Variants in RNF111 observed in about 807,000 individuals in gnomAD.
RNF111 encodes E3 ubiquitin-protein ligase Arkadia.
RNF111 carries 17 observed loss-of-function variants against 95.1 expected under a neutral mutation model. The ratio of observed to expected loss-of-function variants is 0.18; its 90% CI spans 0.12 to 0.27. The LOEUF is 0.27. Ranked by LOEUF, RNF111 falls within the 10% of genes least tolerant of loss-of-function variation. The pLI is 1.00. For missense variants in RNF111, 1,189 were observed against 1,210.4 expected (o/e 0.98, Z 0.26); for synonymous variants, 440 against 414.8 (o/e 1.06, Z -0.74).
At chr15:58,996,493 A>G (rs2039077492) in intron 1 of RNF111, among the ~76,000 whole-genome samples, 2 of 151,906 alleles carry the variant, frequency 1.3e-5, no homozygotes, top group African/African-American at 4.8e-5. Context: ...GAGCAGGAGA[A>G]TCGCTTGAAC....
chr15:59,025,245 T>C (rs573885078), intron 1 of RNF111, among the ~76,000 whole-genome samples: 3 of 152,348 alleles, frequency 2.0e-5, no homozygotes, highest in East Asian at 1.9e-4. Flanking sequence ...TTCTCCTTTC[T>C]ACTAGGAAAG....
intron 1 of RNF111, among the ~76,000 whole-genome samples, chr15:59,018,179 A>G (rs1176643300): frequency 6.6e-6 from 1 of 152,226 alleles, no homozygotes; most frequent in Non-Finnish European, 1.5e-5. Context: ...GAGCATTAAA[A>G]TTTATTTGTA....
chr15:59,070,634 A>G (rs2042879901), intron 6 of RNF111, among the ~76,000 whole-genome samples: 1 of 152,208 alleles, frequency 6.6e-6, no homozygotes, highest in South Asian at 2.1e-4. Context: ...ACAGAAGGAG[A>G]ACAGACATAT....
At chr15:59,029,284 T>C (rs146453973) in intron 1 of RNF111, among the ~76,000 whole-genome samples, 116 of 152,294 alleles carry the variant, frequency 7.6e-4, no homozygotes, top group African/African-American at 2.7e-3. Flanking sequence ...TTTATCATTG[T>C]GACTTCTGTG....
intron 6 of RNF111, 132 bp from the exon 7 acceptor site, chr15:59,075,822 C>G (rs2043140946): frequency 1.0e-6 from 1 of 958,564 alleles, no homozygotes; most frequent in Non-Finnish European, 1.5e-6. Context: ...GTTCTTCATA[C>G]TAAGAATCTT....
intron 6 of RNF111, 31 bp from the exon 7 acceptor site, chr15:59,075,923 G>C: frequency 6.2e-7 from 1 of 1,603,848 alleles, no homozygotes; most frequent in Non-Finnish European, 8.5e-7. Context: ...CCAAACTTTA[G>C]AAAGATAAAA....
At chr15:58,999,088 TGAAAA>T (rs2039215082) in intron 1 of RNF111, among the ~76,000 whole-genome samples, 1 of 152,206 alleles carries the variant, frequency 6.6e-6, no homozygotes, top group South Asian at 2.1e-4. Context: ...CACACTTACC[TGAAAA>T]GGTTATTAAA....
intron 1 of RNF111, among the ~76,000 whole-genome samples, chr15:58,998,716 A>G (rs951715782): frequency 6.6e-6 from 1 of 152,268 alleles, no homozygotes; most frequent in African/African-American, 2.4e-5. Context: ...AATAAAATTC[A>G]AACTTTCAAG....
At chr15:59,046,152 G>A (rs552617853) in intron 2 of RNF111, among the ~76,000 whole-genome samples, 3 of 149,460 alleles carry the variant, frequency 2.0e-5, no homozygotes, top group African/African-American at 7.4e-5. Context: ...CATTATCTCC[G>A]TTATTTACCA....
At chr15:59,008,759 T>C (rs1346310647) in intron 1 of RNF111, among the ~76,000 whole-genome samples, 2 of 152,152 alleles carry the variant, frequency 1.3e-5, no homozygotes, top group African/African-American at 2.4e-5. Context: ...AAAAATCATA[T>C]TACATTTATC....
rs1413452356 is a variant in RNF111, at chr15:59,096,281, C to G, written c.*1381C>G. ...TTTGTTTAAATATGCTTAATATGCC[C>G]CAGATTGCAAATGCATCCAGTCAGT... On this transcript the variant is annotated 3_prime_UTR_variant, in exon 14 of 14. Coordinates refer to ENST00000348370, the MANE Select transcript of RNF111 (RefSeq NM_017610.8). The G allele has an allele frequency of 7.8e-6, 3 of 383,348 alleles. No homozygotes were observed. The highest frequency in any genetic ancestry group is 2.1e-5 in the African/African-American group (1 of 48,268). The allele number at this position is 383,348 out of a possible 1,614,324, so 23.7% of individuals were successfully genotyped here. A position where few individuals can be genotyped will look rare whatever the true frequency, so the allele number is the denominator to read the frequency against.
chr15:58,988,980 T>C (rs1261427270), intron 1 of RNF111, among the ~76,000 whole-genome samples: 1 of 152,210 alleles, frequency 6.6e-6, no homozygotes, highest in African/African-American at 2.4e-5. Context: ...TTTCTTGTTT[T>C]AGGGGCCTCT....
intron 2 of RNF111, among the ~76,000 whole-genome samples, chr15:59,039,014 G>C (rs1002362007): frequency 9.9e-5 from 15 of 152,114 alleles, no homozygotes; most frequent in African/African-American, 2.9e-4. Context: ...GCCCAGGCTG[G>C]AGTGCAATGA....
intron 6 of RNF111, among the ~76,000 whole-genome samples, chr15:59,068,731 C>A (rs1266830612): frequency 6.6e-6 from 1 of 151,998 alleles, no homozygotes; most frequent in African/African-American, 2.4e-5. Context: ...AAAGTACTTG[C>A]CTCATCTTTT....
At chr15:58,999,997 C>G (rs1032110724) in intron 1 of RNF111, among the ~76,000 whole-genome samples, 2 of 152,034 alleles carry the variant, frequency 1.3e-5, no homozygotes, top group East Asian at 1.9e-4. Flanking sequence ...AGAAATTGCC[C>G]AGATAATCCA....
Position 58,987,985 on chromosome 15 carries a change from C to G in RNF111, c.-103C>G, listed in dbSNP as rs1230888660. 2 of 152,272 alleles carry G rather than the reference C, an allele frequency of 1.3e-5. No individual in the cohort carries two copies. Among genetic ancestry groups the G allele is most frequent in the African/African-American group, 4.8e-5 (2 of 41,396 alleles). 9.4% of individuals were successfully genotyped at this position (152,272 alleles called of 1,614,324 possible). On this transcript the variant is annotated 5_prime_UTR_variant, in exon 1 of 14. Coordinates refer to ENST00000348370, the MANE Select transcript of RNF111 (RefSeq NM_017610.8). ...CAGATCGCTGGCTCTCGACGCATTA[C>G]TCTTTACGCCTTACATTTCTGTCTT...
chr15:58,996,170 T>C (rs2039063876), intron 1 of RNF111, among the ~76,000 whole-genome samples: 1 of 152,162 alleles, frequency 6.6e-6, no homozygotes, highest in Admixed American at 6.5e-5. Flanking sequence ...TTTAGCCACT[T>C]AACTGTTTAT....
chr15:59,039,741 G>A (rs2041355563), intron 2 of RNF111, among the ~76,000 whole-genome samples: 1 of 150,398 alleles, frequency 6.6e-6, no homozygotes, highest in African/African-American at 2.5e-5. Flanking sequence ...TTTTTGAGAC[G>A]GAGTCTTGTT....
At chr15:59,006,264 T>A (rs1331945825) in intron 1 of RNF111, among the ~76,000 whole-genome samples, 2 of 152,228 alleles carry the variant, frequency 1.3e-5, no homozygotes, top group Non-Finnish European at 2.9e-5. Context: ...GTTGGATGAA[T>A]TTTGGCAAAT....
Sources: allele counts gnomAD v4.1 joint callset (sites outside exome capture counted in the v4.1 genomes callset), GRCh38; gene constraint gnomAD v4.1.1; transcripts MANE v1.5; gene names NCBI Gene and HGNC (gene_info 2026-07-23, HGNC 2026-07-21).